Variants in C3orf52 observed in about 807,000 individuals in gnomAD.
C3orf52 encodes the protein chromosome 3 open reading frame 52.
C3orf52 carries 22 observed loss-of-function variants against 24.8 expected under a neutral mutation model. The ratio of observed to expected loss-of-function variants is 0.89; its 90% CI spans 0.63 to 1.27. The LOEUF is 1.27. Ranked by LOEUF, C3orf52 falls within the 50% of genes most tolerant of loss-of-function variation. C3orf52 has a pLI of 0.00. For missense variants in C3orf52, 265 were observed against 260.7 expected (o/e 1.02, Z -0.11); for synonymous variants, 93 against 100.2 (o/e 0.93, Z 0.43).
At chr3:112,111,730 G>A (rs1020528345) in intron 4 of C3orf52, 8 of 152,208 alleles carry the variant, frequency 5.3e-5, no homozygotes, top group East Asian at 1.9e-4. Flanking sequence ...CATCATTAGC[G>A]ATAATTAGAG....
chr3:112,097,293 A>G (rs568301350), intron 2 of C3orf52, among the ~76,000 whole-genome samples: 4 of 152,298 alleles, frequency 2.6e-5, no homozygotes, highest in African/African-American at 4.8e-5. Flanking sequence ...TTGGGGCAAA[A>G]TATTTTAAAT....
intron 2 of C3orf52, among the ~76,000 whole-genome samples, chr3:112,096,157 G>T (rs1180849775): frequency 6.6e-6 from 1 of 152,180 alleles, no homozygotes; most frequent in Non-Finnish European, 1.5e-5. Flanking sequence ...AAGCTTGGAG[G>T]CGGAAGTGTT....
At chr3:112,123,438 C>G in intron 4 of C3orf52, 1 of 1,609,206 alleles carries the variant, frequency 6.2e-7, no homozygotes, top group East Asian at 2.2e-5. Context: ...TAAACAAATG[C>G]TAGTCCAGCC....
intron 3 of C3orf52, among the ~76,000 whole-genome samples, chr3:112,105,818 GTCTCCAAA>G (rs1181867605): frequency 2.6e-4 from 32 of 124,720 alleles, no homozygotes; most frequent in Non-Finnish European, 5.1e-4. Context: ...GCGAGACTTA[GTCTCCAAA>G]AAAAAAAAAA....
chr3:112,102,619 A>G (rs1576141389), intron 2 of C3orf52, among the ~76,000 whole-genome samples: 1 of 152,086 alleles, frequency 6.6e-6, no homozygotes, highest in African/African-American at 2.4e-5. Context: ...CTTTGCCATA[A>G]AACAAACTTT....
chr3:112,116,091 T>C (rs2074131115), intron 5 of C3orf52, among the ~76,000 whole-genome samples: 1 of 152,142 alleles, frequency 6.6e-6, no homozygotes, highest in Non-Finnish European at 1.5e-5. Context: ...ACCAGGATTT[T>C]TGTGAGAGAG....
chr3:112,107,372 A>G (rs1248666764), intron 3 of C3orf52, among the ~76,000 whole-genome samples: 2 of 152,192 alleles, frequency 1.3e-5, no homozygotes, highest in Non-Finnish European at 2.9e-5. Flanking sequence ...TCTCCATCAC[A>G]GCATCCCCGT....
chr3:112,104,431 A>G (rs983276102), intron 3 of C3orf52, among the ~76,000 whole-genome samples: 3 of 152,140 alleles, frequency 2.0e-5, no homozygotes, highest in African/African-American at 7.2e-5. Flanking sequence ...TCTAACTTCC[A>G]TTCGATTTGA....
intron 5 of C3orf52, 92 bp downstream of exon 5, chr3:112,113,237 G>A: frequency 3.2e-6 from 3 of 932,300 alleles, no homozygotes; most frequent in Non-Finnish European, 4.8e-6. Context: ...TGGCAACTGT[G>A]GTGACTTGGT....
At position 112,094,005 on chromosome 3, in the gene C3orf52, T is replaced by A. The variant is rs61384643; in HGVS notation, c.268+516T>A. Among the ~76,000 whole-genome samples the A allele has an allele frequency of 5.6e-3, 858 of 152,270 alleles. 8 individuals are homozygous for A. Among genetic ancestry groups the A allele is most frequent in the African/African-American group, 0.016 (656 of 41,550 alleles). On this transcript the variant is annotated intron_variant, in intron 2 of 5. Transcript: ENST00000264848. ...TTTAACTTATTGTATTTATTTATTT[T>A]TTTTTTTGAGAGAAAGTCTTACTCT...
downstream of C3orf52, chr3:112,135,353 C>G (rs1439403298): frequency 1.3e-5 from 2 of 152,338 alleles, no homozygotes; most frequent in Non-Finnish European, 2.9e-5. Context: ...AAACAAAGTG[C>G]AAAATATTTT....
chr3:112,110,673 C>T (rs2074071521), intron 4 of C3orf52, among the ~76,000 whole-genome samples: 1 of 152,186 alleles, frequency 6.6e-6, no homozygotes, highest in African/African-American at 2.4e-5. Flanking sequence ...TTGGAGATGA[C>T]TTAAAATTTA....
At chr3:112,119,708 ATAAGT>A (rs2107794015), downstream of C3orf52, 1 of 572,232 alleles carries the variant, frequency 1.7e-6, no homozygotes, top group Non-Finnish European at 3.1e-6. Flanking sequence ...TTGCTTTAAA[ATAAGT>A]TAATTTACAC....
In C3orf52 at chr3:112,102,775, G is replaced by T. The variant is rs2073985103; in HGVS notation, c.269-63G>T. The T allele has an allele frequency of 6.4e-6, 9 of 1,416,734 alleles. No homozygotes were observed. In the South Asian group the frequency reaches 1.1e-4, roughly 17 times the overall value. 87.8% of individuals were successfully genotyped at this position (1,416,734 alleles called of 1,614,324 possible). On this transcript the variant is annotated intron_variant, in intron 2 of 5. Transcript: ENST00000264848. ...GTATGGCAGTCAATGGAATAAATAA[G>T]TTTATTATTATATGCAGGTGTTTAC... is the stretch of plus-strand genomic sequence containing the variant.
At chr3:112,125,139 G>T (rs559880271) in intron 4 of C3orf52, 1 of 861,960 alleles carries the variant, frequency 1.2e-6, no homozygotes, top group Non-Finnish European at 2.0e-6. Context: ...GGTCAGAAGG[G>T]ATCTCAGAGG....
intron 4 of C3orf52, chr3:112,128,099 AT>A: frequency 1.3e-6 from 2 of 1,591,976 alleles, no homozygotes; most frequent in Non-Finnish European, 1.7e-6. Flanking sequence ...CATAAGGTTG[AT>A]TTCTGCAGCT....
Position 112,095,659 on chromosome 3 carries a change from C to G in C3orf52, c.268+2170C>G, listed in dbSNP as rs531833671. Among the ~76,000 whole-genome samples the G allele has an allele frequency of 2.0e-5, 3 of 152,066 alleles. No individual in the cohort carries two copies. In the South Asian group the frequency reaches 6.2e-4, roughly 32 times the overall value. Reference sequence around the variant, plus strand: ...TTTAATTTAACTGTAAATTTGTGTTCGAACATGTCAATGCTGTAAGAGAGA... The same window carrying G: ...TTTAATTTAACTGTAAATTTGTGTTGGAACATGTCAATGCTGTAAGAGAGA... On this transcript the variant is annotated intron_variant, in intron 2 of 5. Coordinates refer to ENST00000264848, the MANE Select transcript of C3orf52 (RefSeq NM_024616.3).
chr3:112,123,887 C>T (rs1280668099), intron 4 of C3orf52: 2 of 1,113,746 alleles, frequency 1.8e-6, no homozygotes, highest in African/African-American at 1.6e-5. Flanking sequence ...ACCACCTCCT[C>T]CCCATCTCTT....
chr3:112,132,604 T>G (rs531472233), downstream of C3orf52: 1 of 972,042 alleles, frequency 1.0e-6, no homozygotes, highest in Admixed American at 6.1e-5. Flanking sequence ...ATCTGAGTTC[T>G]GTGCCTATTT....
Sources: allele counts gnomAD v4.1 joint callset (sites outside exome capture counted in the v4.1 genomes callset), GRCh38; gene constraint gnomAD v4.1.1; transcripts MANE v1.5; gene names NCBI Gene and HGNC (gene_info 2026-07-23, HGNC 2026-07-21).